Variants in ALCAM observed in about 807,000 individuals in gnomAD.
ALCAM encodes activated leukocyte cell adhesion molecule.
Under a neutral mutation model 70.9 loss-of-function variants are expected in ALCAM, and 30 were observed. That is an observed-to-expected ratio of 0.42 (90% CI 0.32 to 0.57). The LOEUF (loss-of-function observed/expected upper bound fraction) is 0.57, where lower values mean the gene tolerates loss of function less well. Among genes scored for constraint, ALCAM ranks in the 20% least tolerant of loss-of-function variants. The pLI, the probability that ALCAM is intolerant of heterozygous loss-of-function variation, is 0.11. For missense variants in ALCAM, 591 were observed against 695.1 expected (o/e 0.85, Z 1.68); for synonymous variants, 249 against 242.5 (o/e 1.03, Z -0.25).
chr3:105,383,918 G>A (rs1351911843), intron 1 of ALCAM, among the ~76,000 whole-genome samples: 1 of 151,610 alleles, frequency 6.6e-6, no homozygotes, highest in Non-Finnish European at 1.5e-5. Flanking sequence ...TTAATTAATA[G>A]ATTAAACCTT....
chr3:105,467,989 T>G (rs182987424), intron 1 of ALCAM, among the ~76,000 whole-genome samples: 16 of 151,402 alleles, frequency 1.1e-4, no homozygotes, highest in Admixed American at 7.3e-4. Context: ...GGTTGATTTT[T>G]GCCCCATGAA....
chr3:105,550,127 A>G lies in ALCAM; in HGVS notation c.1375A>G (p.Thr459Ala), dbSNP rs765143531. 6.3e-7 allele frequency: 1 copy of G among 1,579,396 alleles called. No homozygotes were observed. The highest frequency in any genetic ancestry group is 8.6e-7 in the Non-Finnish European group (1 of 1,157,950). ...CCCACCTTTTTTCTTCTTTTTCCAG[A>G]CAGAGGAATCTCCTTATATTAATGG... ...ITGSGSVINQ[T>A]EESPYINGRY... is the part of the protein sequence containing the mutation. Residue 459 changes from threonine to alanine, a missense_variant and splice_region_variant, in exon 12 of 16, where the codon ACA becomes GCA. Physicochemically the swap from Thr to Ala is moderately conservative, Grantham distance 58. Coordinates refer to ENST00000306107, the MANE Select transcript of ALCAM (RefSeq NM_001627.4).
chr3:105,530,182 A>G (rs1939802718), intron 3 of ALCAM, among the ~76,000 whole-genome samples: 2 of 151,926 alleles, frequency 1.3e-5, no homozygotes, highest in African/African-American at 4.8e-5. Flanking sequence ...ACTTACTTAC[A>G]CCCCAAGAAT....
intron 1 of ALCAM, among the ~76,000 whole-genome samples, chr3:105,427,369 ACAG>A (rs1936816711): frequency 6.6e-6 from 1 of 151,960 alleles, no homozygotes; most frequent in Admixed American, 6.6e-5. Context: ...GGGAAGAAGA[ACAG>A]CTGAAAAGCA....
chr3:105,372,962 T>C (rs940752415), intron 1 of ALCAM, among the ~76,000 whole-genome samples: 8 of 152,144 alleles, frequency 5.3e-5, no homozygotes, highest in African/African-American at 1.9e-4. Context: ...CTTCTGGCCT[T>C]TGCTCAATGA....
At chr3:105,477,961 A>T (rs1359479737) in intron 1 of ALCAM, among the ~76,000 whole-genome samples, 1 of 152,108 alleles carries the variant, frequency 6.6e-6, no homozygotes, top group Non-Finnish European at 1.5e-5. Flanking sequence ...TTAATTCATT[A>T]TAAGCCATTT....
chr3:105,533,820 T>C (rs919416582), intron 5 of ALCAM, 130 bp downstream of exon 5: 6 of 733,552 alleles, frequency 8.2e-6, no homozygotes, highest in Non-Finnish European at 1.1e-5. Flanking sequence ...TGGAAGACAA[T>C]TTTTCTTTGG....
chr3:105,537,110 A>G (rs893225291), intron 6 of ALCAM, among the ~76,000 whole-genome samples: 1 of 152,048 alleles, frequency 6.6e-6, no homozygotes, highest in Non-Finnish European at 1.5e-5. Flanking sequence ...TGGCCAATTC[A>G]TCTTGAGAAA....
At chr3:105,507,402 T>C (rs6769557) in intron 1 of ALCAM, among the ~76,000 whole-genome samples, 72,366 of 152,044 alleles carry the variant, frequency 0.48, 17,806 homozygotes, top group East Asian at 0.8. Flanking sequence ...CCTAAAAATG[T>C]CCTGTTCTCC....
At chr3:105,386,491 G>C (rs980287629) in intron 1 of ALCAM, among the ~76,000 whole-genome samples, 7 of 151,486 alleles carry the variant, frequency 4.6e-5, no homozygotes, top group Non-Finnish European at 1.0e-4. Context: ...TAAATGTCTA[G>C]TGTGTGCAAA....
At chr3:105,396,766 C>G (rs1043408951) in intron 1 of ALCAM, among the ~76,000 whole-genome samples, 4 of 151,974 alleles carry the variant, frequency 2.6e-5, no homozygotes, top group African/African-American at 9.7e-5. Flanking sequence ...AGTGATTGCC[C>G]TCTTAAAGGT....
chr3:105,521,940 G>C (rs1939555856), intron 2 of ALCAM, among the ~76,000 whole-genome samples: 3 of 152,196 alleles, frequency 2.0e-5, no homozygotes, highest in African/African-American at 7.2e-5. Context: ...TGAGGACAGA[G>C]TCTATTAGTG....
chr3:105,495,959 A>C (rs139058058), intron 1 of ALCAM, among the ~76,000 whole-genome samples: 1 of 152,322 alleles, frequency 6.6e-6, no homozygotes, highest in African/African-American at 2.4e-5. Flanking sequence ...AGTTCCATTC[A>C]CTATAAGTTT....
chr3:105,416,588 G>A (rs528220331), intron 1 of ALCAM, among the ~76,000 whole-genome samples: 13 of 151,858 alleles, frequency 8.6e-5, no homozygotes, highest in African/African-American at 1.2e-4. Flanking sequence ...CAATTGCTCC[G>A]TATTGCTCCT....
chr3:105,443,637 C>T (rs1275261601), intron 1 of ALCAM, among the ~76,000 whole-genome samples: 1 of 152,088 alleles, frequency 6.6e-6, no homozygotes, highest in African/African-American at 2.4e-5. Context: ...AAAACATATA[C>T]ATGTAGGCAC....
At chr3:105,444,005 T>G (rs1937239438) in intron 1 of ALCAM, among the ~76,000 whole-genome samples, 1 of 152,180 alleles carries the variant, frequency 6.6e-6, no homozygotes, top group African/African-American at 2.4e-5. Flanking sequence ...TGTTATACCT[T>G]TCAAATAACA....
intron 1 of ALCAM, among the ~76,000 whole-genome samples, chr3:105,481,343 A>G (rs1157101165): frequency 6.6e-6 from 1 of 152,090 alleles, no homozygotes; most frequent in Non-Finnish European, 1.5e-5. Context: ...GAACCAGGGG[A>G]GACTTTGATT....
At position 105,480,097 on chromosome 3, in the gene ALCAM, T is replaced by A. The variant is rs537523934; in HGVS notation, c.74-39970T>A. ...TTGAAATAAGAATAATTTAAAAGTT[T>A]ATTCATTCATTGTCCTCAAATTTAT... On this transcript the variant is annotated intron_variant, in intron 1 of 15. Transcript: ENST00000306107. Among the ~76,000 whole-genome samples, 5 of 152,258 alleles carry A rather than the reference T, an allele frequency of 3.3e-5. No individual in the cohort carries two copies. The South Asian group carries it at 1.0e-3, about 32-fold the overall frequency.
At position 105,571,942 on chromosome 3, in the gene ALCAM, G is replaced by C; in HGVS notation, c.*3G>C. On this transcript the variant is annotated 3_prime_UTR_variant, in exon 15 of 16. Transcript: ENST00000306107. ...ACAATCACAAAACTGAAGCCTAAGAGAGAAACTGTCCTAGTTGTCCAGGTG... is the reference window on the plus strand; with the variant it reads ...ACAATCACAAAACTGAAGCCTAAGACAGAAACTGTCCTAGTTGTCCAGGTG... 6.2e-7 allele frequency: 1 copy of C among 1,607,474 alleles called. No individual in the cohort carries two copies. Among genetic ancestry groups the C allele is most frequent in the Non-Finnish European group, 8.5e-7 (1 of 1,174,436 alleles).
Sources: gnomAD v4.1 joint callset for allele counts (sites outside exome capture counted in the v4.1 genomes callset) on GRCh38, gnomAD v4.1.1 for gene constraint, MANE v1.5 for transcripts, NCBI Gene and HGNC (gene_info 2026-07-23, HGNC 2026-07-21) for gene names.